Variants in COPB1 observed in about 807,000 individuals in gnomAD.
COPB1 encodes the protein coat protein complex I subunit beta 1.
COPB1 carries 21 observed loss-of-function variants against 108.7 expected under a neutral mutation model. That is an observed-to-expected ratio of 0.19 (90% CI 0.14 to 0.28). The LOEUF is 0.28. COPB1 is among the 10% of genes least tolerant of loss of function. The pLI, the probability that COPB1 is intolerant of heterozygous loss-of-function variation, is 1.00. For synonymous variants in COPB1, 378 were observed against 386.8 expected (o/e 0.98, Z 0.27); for missense variants, 919 against 1,141.3 (o/e 0.81, Z 2.81).
chr11:14,478,317 G>C (rs535058960), intron 11 of COPB1, among the ~76,000 whole-genome samples: 2 of 151,302 alleles, frequency 1.3e-5, no homozygotes, highest in African/African-American at 4.8e-5. Flanking sequence ...GCTCACACCT[G>C]TAATCTCAGC....
intron 14 of COPB1, among the ~76,000 whole-genome samples, chr11:14,471,774 TAGAC>T (rs1850408249): frequency 6.6e-6 from 1 of 151,786 alleles, no homozygotes; most frequent in Admixed American, 6.6e-5. Context: ...CAAAAAAAAT[TAGAC>T]AGGCGTGGTG....
intron 20 of COPB1, 64 bp from the exon 21 acceptor site, chr11:14,458,751 C>A: frequency 7.0e-7 from 1 of 1,423,426 alleles, no homozygotes; most frequent in South Asian, 1.4e-5. Flanking sequence ...AAAAACCAAA[C>A]AGCATAGGTG....
Position 14,457,897 on chromosome 11 carries a change from T to C in COPB1, c.2803-14A>G, listed in dbSNP as rs1490225325. 6.7e-7 allele frequency: 1 copy of C among 1,489,174 alleles called. No individual in the cohort carries two copies. Among genetic ancestry groups the C allele is most frequent in the Non-Finnish European group, 9.2e-7 (1 of 1,087,462 alleles). The allele number at this position is 1,489,174 out of a possible 1,614,324, so 92.2% of individuals were successfully genotyped here. On this transcript the variant is annotated splice_polypyrimidine_tract_variant and intron_variant, in intron 21 of 21. Coordinates refer to ENST00000439561, the MANE Select transcript of COPB1 (RefSeq NM_001144061.2). ...TAAGGCCATTCCCTGTAAAGAAAAA[T>C]TAAGATATTTATAATTATTTAAACT...
chr11:14,467,369 T>A (rs1486300911), intron 16 of COPB1, among the ~76,000 whole-genome samples: 4 of 151,818 alleles, frequency 2.6e-5, no homozygotes, highest in Non-Finnish European at 4.4e-5. Context: ...AAGATGGCTA[T>A]CATCAAAAAA....
rs1456646166 is a variant in COPB1, at chr11:14,457,665, C to T, written c.*159G>A. On this transcript the variant is annotated 3_prime_UTR_variant, in exon 22 of 22. Coordinates refer to ENST00000439561, the MANE Select transcript of COPB1 (RefSeq NM_001144061.2). ...ACAAAAGACAAACTATAATTTTAAA[C>T]TCAATCTTGATTTAAGGGAAAGGCT... 4 of 619,468 alleles carry T rather than the reference C, an allele frequency of 6.5e-6. No individual in the cohort carries two copies. In the East Asian group the frequency reaches 8.6e-5, roughly 13 times the overall value. The allele number at this position is 619,468 out of a possible 1,614,324, so 38.4% of individuals were successfully genotyped here.
chr11:14,466,532 A>T (rs1176049186), intron 16 of COPB1, 106 bp from the exon 17 acceptor site: 10 of 1,155,778 alleles, frequency 8.7e-6, no homozygotes, highest in Admixed American at 2.6e-5. Flanking sequence ...AGTTGCTTAG[A>T]AGTCATTTTG....
chr11:14,482,531 T>C (rs1850682010), intron 8 of COPB1, among the ~76,000 whole-genome samples: 1 of 152,160 alleles, frequency 6.6e-6, no homozygotes, highest in Non-Finnish European at 1.5e-5. Flanking sequence ...TGATTCACTT[T>C]AGAAAAACAT....
At chr11:14,459,081 A>C (rs908518193) in intron 20 of COPB1, among the ~76,000 whole-genome samples, 1 of 152,282 alleles carries the variant, frequency 6.6e-6, no homozygotes, top group Non-Finnish European at 1.5e-5. Flanking sequence ...TTGGTTATTT[A>C]TCACTTAAAA....
rs780516667 is a variant in COPB1 at position 14,494,378 on chromosome 11, A to G, written c.153T>C (p.Asn51=). The G allele has an allele frequency of 6.2e-7, 1 of 1,613,378 alleles. No homozygotes were observed. The highest frequency in any genetic ancestry group is 1.7e-5 in the Admixed American group (1 of 60,004). The change falls in exon 3 of 22, where the codon AAT becomes AAC. Residue 51 remains asparagine, a synonymous_variant. Transcript: ENST00000439561. ...TCAGAAGTCCAGGAAGTTTTTCACC[A>G]TTCAGAATCATAATGATTACTTTCT... ...ALKKVIIMIL[N]GEKLPGLLMT...
At chr11:14,460,452 T>A (rs550840044) in intron 19 of COPB1, among the ~76,000 whole-genome samples, 155 bp from the exon 20 acceptor site, 14 of 152,106 alleles carry the variant, frequency 9.2e-5, no homozygotes, top group African/African-American at 3.4e-4. Flanking sequence ...TCCAACAAGC[T>A]GTAGGTTGGT....
chr11:14,478,589 A>G (rs968180010), intron 11 of COPB1, among the ~76,000 whole-genome samples: 1 of 151,682 alleles, frequency 6.6e-6, no homozygotes, highest in Non-Finnish European at 1.5e-5. Context: ...AAATAATAGT[A>G]AAGAAAGCAA....
chr11:14,471,668 A>C (rs1850405112), intron 14 of COPB1, among the ~76,000 whole-genome samples: 2 of 152,344 alleles, frequency 1.3e-5, no homozygotes, highest in South Asian at 2.1e-4. Context: ...CTGTAATCCC[A>C]GCACTTTGGG....
chr11:14,493,370 G>C (rs1850951492), intron 4 of COPB1, among the ~76,000 whole-genome samples: 1 of 152,166 alleles, frequency 6.6e-6, no homozygotes, highest in South Asian at 2.1e-4. Context: ...ATACGGTTGA[G>C]AATGACAAGC....
intron 11 of COPB1, 24 bp downstream of exon 11, chr11:14,479,545 C>A: frequency 6.3e-7 from 1 of 1,582,028 alleles, no homozygotes; most frequent in East Asian, 2.2e-5. Flanking sequence ...CTTGACCTTA[C>A]ATTTAAATGT....
intron 14 of COPB1, among the ~76,000 whole-genome samples, chr11:14,473,493 G>T (rs1312921224): frequency 1.3e-5 from 2 of 152,120 alleles, no homozygotes; most frequent in Admixed American, 1.3e-4. Flanking sequence ...GCCACTGTAG[G>T]ATTATTAACC....
At chr11:14,462,399 A>C (rs1431627830) in intron 18 of COPB1, among the ~76,000 whole-genome samples, 1 of 151,774 alleles carries the variant, frequency 6.6e-6, no homozygotes, top group Non-Finnish European at 1.5e-5. Context: ...CGCCTGGCTA[A>C]TTTTTTGTAT....
intron 2 of COPB1, among the ~76,000 whole-genome samples, chr11:14,495,417 A>G: frequency 6.6e-6 from 1 of 152,252 alleles, no homozygotes; most frequent in East Asian, 1.9e-4. Flanking sequence ...GGGCCTAAAT[A>G]TGAGAAATAC....
At chr11:14,496,444 C>T (rs2134130879) in intron 2 of COPB1, among the ~76,000 whole-genome samples, 1 of 151,936 alleles carries the variant, frequency 6.6e-6, no homozygotes, top group Middle Eastern at 3.4e-3. Context: ...TAATCTAATC[C>T]CATTTACAAT....
At chr11:14,473,619 A>T (rs972750057) in intron 14 of COPB1, among the ~76,000 whole-genome samples, 4 of 152,008 alleles carry the variant, frequency 2.6e-5, no homozygotes, top group Non-Finnish European at 5.9e-5. Flanking sequence ...TTACTATTTT[A>T]TATGGGAATG....
Sources: gnomAD v4.1 joint callset for allele counts (sites outside exome capture counted in the v4.1 genomes callset) on GRCh38, gnomAD v4.1.1 for gene constraint, MANE v1.5 for transcripts, NCBI Gene and HGNC (gene_info 2026-07-23, HGNC 2026-07-21) for gene names.